ELP3: variants seen among roughly 807,000 people sequenced by gnomAD.
The protein encoded by ELP3 is elongator complex protein 3.
A neutral mutation model predicts 74.9 loss-of-function variants in ELP3; 56 were observed. That is an observed-to-expected ratio of 0.75 (90% CI 0.60 to 0.93). The LOEUF (loss-of-function observed/expected upper bound fraction) is 0.93, where lower values mean the gene tolerates loss of function less well. ELP3 is among the 40% of genes least tolerant of loss of function. The pLI is 0.00. For missense variants in ELP3, 573 were observed against 686.5 expected (o/e 0.83, Z 1.85); for synonymous variants, 222 against 239.8 (o/e 0.93, Z 0.68).
Position 28,126,449 on chromosome 8 carries a change from C to T in ELP3, c.618-3053C>T, listed in dbSNP as rs1199510156. Among the ~76,000 whole-genome samples, 5 of 152,322 alleles carry T rather than the reference C, an allele frequency of 3.3e-5. No individual in the cohort carries two copies. The East Asian group carries it at 7.7e-4, about 23-fold the overall frequency. On this transcript the variant is annotated intron_variant, in intron 7 of 14. Coordinates refer to ENST00000256398, the MANE Select transcript of ELP3 (RefSeq NM_018091.6). ...GCATACAGAAAAGCGTAGGATTCAACATAACCCCACAGTGTTGAGCTGTAC... is the reference window on the plus strand; with the variant it reads ...GCATACAGAAAAGCGTAGGATTCAATATAACCCCACAGTGTTGAGCTGTAC...
intron 7 of ELP3, among the ~76,000 whole-genome samples, chr8:28,115,823 T>C (rs1315397281): frequency 6.6e-6 from 1 of 152,164 alleles, no homozygotes; most frequent in African/African-American, 2.4e-5. Flanking sequence ...AGCTTGAAGA[T>C]CTTGGAAGGA....
At chr8:28,176,447 G>A (rs1035987679) in intron 14 of ELP3, among the ~76,000 whole-genome samples, 4 of 152,132 alleles carry the variant, frequency 2.6e-5, no homozygotes, top group Non-Finnish European at 4.4e-5. Flanking sequence ...GCTGCTCCAG[G>A]AAAATAAGTT....
intron 1 of ELP3, among the ~76,000 whole-genome samples, chr8:28,095,824 C>T (rs1811231876): frequency 6.6e-6 from 1 of 152,194 alleles, no homozygotes; most frequent in African/African-American, 2.4e-5. Flanking sequence ...GTGTGGGCTC[C>T]ATAATTGCCA....
intron 10 of ELP3, among the ~76,000 whole-genome samples, chr8:28,148,778 A>T (rs1813529444): frequency 6.6e-6 from 1 of 152,222 alleles, no homozygotes; most frequent in African/African-American, 2.4e-5. Context: ...CATTTGATAC[A>T]TTGGATTTCA....
intron 10 of ELP3, among the ~76,000 whole-genome samples, chr8:28,144,544 T>G (rs768878954): frequency 2.0e-5 from 3 of 152,180 alleles, no homozygotes; most frequent in Non-Finnish European, 2.9e-5. Context: ...CACTTGAGCC[T>G]GGGAGGTTGA....
intron 5 of ELP3, among the ~76,000 whole-genome samples, chr8:28,108,818 C>T (rs1811802276): frequency 6.6e-6 from 1 of 152,054 alleles, no homozygotes; most frequent in South Asian, 2.1e-4. Context: ...GTATCAGGCA[C>T]TCAAAAAATG....
chr8:28,179,521 G>A (rs55909535), intron 14 of ELP3, among the ~76,000 whole-genome samples: 4,194 of 152,212 alleles, frequency 0.028, 211 homozygotes, highest in African/African-American at 0.097. Context: ...AAGGGGGTTG[G>A]GGTGATGGTT....
intron 7 of ELP3, among the ~76,000 whole-genome samples, chr8:28,118,578 T>C (rs1812226426): frequency 6.6e-6 from 1 of 152,138 alleles, no homozygotes; most frequent in African/African-American, 2.4e-5. Context: ...AGAGCAACAA[T>C]TACTGGTGAC....
Position 28,109,914 on chromosome 8 carries a change from T to G in ELP3, c.394-456T>G, listed in dbSNP as rs922379936. 2.0e-5 allele frequency among the ~76,000 whole-genome samples: 3 copies of G among 152,248 alleles called. No individual in the cohort carries two copies. In the East Asian group the frequency reaches 5.8e-4, roughly 29 times the overall value. On this transcript the variant is annotated intron_variant, in intron 5 of 14. Transcript: ENST00000256398. ...GAGTCCTCTTTCACTTTGCCTTTTATTTTACAATATCTTAGTGAACATTTT... is the reference window on the plus strand; with the variant it reads ...GAGTCCTCTTTCACTTTGCCTTTTAGTTTACAATATCTTAGTGAACATTTT...
In ELP3 at chr8:28,129,554, C is replaced by G. The variant is rs1480587283; in HGVS notation, c.670C>G (p.Pro224Ala). 1.9e-6 allele frequency: 3 copies of G among 1,614,162 alleles called. No individual in the cohort carries two copies. In the South Asian group the frequency reaches 3.3e-5, roughly 18 times the overall value. The change falls in exon 8 of 15, where the codon CCA (proline) becomes GCA (alanine). Residue 224 changes from proline to alanine, a missense_variant. Physicochemically the swap from Pro to Ala is conservative, Grantham distance 27 (BLOSUM62 -1). Coordinates refer to ENST00000256398, the MANE Select transcript of ELP3 (RefSeq NM_018091.6). ...TATTGGAATTACTATTGAAACCAGA[C>G]CAGATTACTGCATGAAGCGACATTT... ...KCIGITIETR[P>A]DYCMKRHLSD...
chr8:28,111,728 A>ATT (rs1439380955), intron 6 of ELP3, among the ~76,000 whole-genome samples: 1 of 152,250 alleles, frequency 6.6e-6, no homozygotes, highest in Non-Finnish European at 1.5e-5. Flanking sequence ...GTTTACCAAA[A>ATT]AAAGGAGCAT....
At position 28,132,298 on chromosome 8, in the gene ELP3, T is replaced by C. The variant is rs1399054143; in HGVS notation, c.800T>C (p.Val267Ala). Reference protein sequence around the residue: ...DTNRGHTVKAVCESFHLAKDS... With the variant: ...DTNRGHTVKAACESFHLAKDS... ...CTTAGGGGCCACACTGTGAAGGCAG[T>C]GTGTGAGTCATTTCACCTGGCCAAA... The change falls in exon 9 of 15, where the codon GTG (valine) becomes GCG (alanine). Residue 267 changes from valine (V) to alanine (A), a missense_variant. Transcript: ENST00000256398. 6.2e-7 allele frequency: 1 copy of C among 1,614,104 alleles called. No individual in the cohort carries two copies. Among genetic ancestry groups the C allele is most frequent in the Non-Finnish European group, 8.5e-7 (1 of 1,179,982 alleles).
chr8:28,093,008 G>A (rs1475409600), upstream of ELP3: 4 of 753,472 alleles, frequency 5.3e-6, no homozygotes, highest in East Asian at 8.0e-5. Context: ...TCGCAGCCTA[G>A]GGGCCTCACG....
At chr8:28,187,504 A>C (rs1815286096) in intron 14 of ELP3, among the ~76,000 whole-genome samples, 1 of 152,182 alleles carries the variant, frequency 6.6e-6, no homozygotes, top group Non-Finnish European at 1.5e-5. Flanking sequence ...TCAGAATAAA[A>C]GCCAGATTCC....
At position 28,176,055 on chromosome 8, in the gene ELP3, G is replaced by A. The variant is rs562399759; in HGVS notation, c.1568-13594G>A. 3.9e-5 allele frequency among the ~76,000 whole-genome samples: 6 copies of A among 152,092 alleles called. No homozygotes were observed. The South Asian group carries it at 1.2e-3, about 32-fold the overall frequency. On this transcript the variant is annotated intron_variant, in intron 14 of 14. Transcript: ENST00000256398. Reference sequence around the variant, plus strand: ...TAGTCTCGAACTCCTGACCTCAAGTGATCCACCTGCCTTGGCCTCCCAAAG... The same window carrying A: ...TAGTCTCGAACTCCTGACCTCAAGTAATCCACCTGCCTTGGCCTCCCAAAG...
At chr8:28,182,666 C>G (rs769325297) in intron 14 of ELP3, among the ~76,000 whole-genome samples, 6 of 151,018 alleles carry the variant, frequency 4.0e-5, no homozygotes, top group Non-Finnish European at 8.8e-5. Flanking sequence ...CCCATTTTTA[C>G]TAAAGAGCAT....
At chr8:28,106,814 T>A in intron 4 of ELP3, 31 bp downstream of exon 4, 1 of 1,566,760 alleles carries the variant, frequency 6.4e-7, no homozygotes, top group South Asian at 1.1e-5. Flanking sequence ...AAATTGTATG[T>A]ATGTTTTAAT....
intron 1 of ELP3, among the ~76,000 whole-genome samples, chr8:28,095,191 T>G (rs1356614965): frequency 6.6e-6 from 1 of 152,252 alleles, no homozygotes; most frequent in Admixed American, 6.5e-5. Context: ...AATCTTGCCC[T>G]ATCTTTAAAG....
chr8:28,097,148 C>A, intron 1 of ELP3, 71 bp from the exon 2 acceptor site: 2 of 1,015,632 alleles, frequency 2.0e-6, no homozygotes, highest in Non-Finnish European at 3.0e-6. Context: ...TGGAAAACTG[C>A]TACTAAATCA....
Sources: gnomAD v4.1 joint callset for allele counts (sites outside exome capture counted in the v4.1 genomes callset) on GRCh38, gnomAD v4.1.1 for gene constraint, MANE v1.5 for transcripts, NCBI Gene and HGNC (gene_info 2026-07-23, HGNC 2026-07-21) for gene names.